The following FGF14 variants were observed in gnomAD, a reference collection of about 807,000 sequenced individuals.
The protein encoded by FGF14 is fibroblast growth factor homologous factor 4.
Under a neutral mutation model 25.5 loss-of-function variants are expected in FGF14, and 5 were observed. The ratio of observed to expected loss-of-function variants is 0.20; its 90% CI spans 0.10 to 0.41. The LOEUF (loss-of-function observed/expected upper bound fraction) is 0.41. FGF14 is among the 10% of genes least tolerant of loss of function. The pLI, the probability that FGF14 is intolerant of heterozygous loss-of-function variation, is 1.00. For synonymous variants in FGF14, 138 were observed against 118.3 expected (o/e 1.17, Z -1.08); for missense variants, 222 against 320.1 (o/e 0.69, Z 2.34).
At chr13:102,002,828 G>C (rs891774999) in intron 1 of FGF14, 11 of 152,118 alleles carry the variant, frequency 7.2e-5, no homozygotes, top group Admixed American at 1.3e-4. Context: ...TATTGCTGCA[G>C]AATATTCTGC....
At chr13:101,821,444 TG>T (rs1391876524) in intron 3 of FGF14, among the ~76,000 whole-genome samples, 12 of 152,218 alleles carry the variant, frequency 7.9e-5, no homozygotes, top group Non-Finnish European at 1.8e-4. Flanking sequence ...ATTCTACTAC[TG>T]ATGGAAATTT....
chr13:101,785,206 T>C lies in FGF14; in HGVS notation c.409-58396A>G, dbSNP rs558532694. 3.3e-5 allele frequency among the ~76,000 whole-genome samples: 5 copies of C among 152,076 alleles called. No individual in the cohort carries two copies. In the East Asian group the frequency reaches 9.7e-4, roughly 29 times the overall value. On this transcript the variant is annotated intron_variant, in intron 3 of 4. Transcript: ENST00000376143. ...TTTAGTTTTAATATTTTAAAAATTATATATAGATATGTAAATTATTCAAAG... is the reference window on the plus strand; with the variant it reads ...TTTAGTTTTAATATTTTAAAAATTACATATAGATATGTAAATTATTCAAAG...
intron 1 of FGF14, among the ~76,000 whole-genome samples, chr13:102,392,047 G>C (rs998028646): frequency 2.0e-5 from 3 of 152,232 alleles, no homozygotes; most frequent in Admixed American, 2.0e-4. Context: ...CACACAGGAA[G>C]TGGAAAGAAC....
chr13:101,855,690 G>A (rs2044090482), intron 3 of FGF14, among the ~76,000 whole-genome samples: 1 of 151,906 alleles, frequency 6.6e-6, no homozygotes, highest in South Asian at 2.1e-4. Context: ...AAGTCTGAGG[G>A]ATTTTTAATT....
At chr13:101,968,725 A>C (rs934838555) in intron 1 of FGF14, among the ~76,000 whole-genome samples, 3 of 151,906 alleles carry the variant, frequency 2.0e-5, no homozygotes, top group African/African-American at 7.2e-5. Flanking sequence ...TTTATACTTA[A>C]GAATACCACA....
intron 1 of FGF14, among the ~76,000 whole-genome samples, chr13:102,223,065 T>G (rs1043838898): frequency 1.3e-5 from 2 of 152,220 alleles, no homozygotes; most frequent in Admixed American, 6.5e-5. Flanking sequence ...GCTTTCACTT[T>G]GTTTAAAACC....
intron 1 of FGF14, among the ~76,000 whole-genome samples, chr13:102,322,169 T>C (rs1410029055): frequency 1.3e-5 from 2 of 152,206 alleles, no homozygotes; most frequent in African/African-American, 4.8e-5. Context: ...CTACATATTG[T>C]CTCTAAATGT....
At chr13:102,383,049 A>C (rs2058221125) in intron 1 of FGF14, among the ~76,000 whole-genome samples, 2 of 152,128 alleles carry the variant, frequency 1.3e-5, no homozygotes, top group Admixed American at 6.6e-5. Flanking sequence ...AACTATGTGA[A>C]TATACTAAAA....
chr13:102,218,290 G>A (rs1378742910), intron 1 of FGF14, among the ~76,000 whole-genome samples: 1 of 152,020 alleles, frequency 6.6e-6, no homozygotes, highest in Non-Finnish European at 1.5e-5. Flanking sequence ...AAATATTACT[G>A]AGAGCTAGAG....
intron 3 of FGF14, among the ~76,000 whole-genome samples, chr13:101,774,969 CAA>C (rs1213093814): frequency 2.0e-4 from 11 of 54,382 alleles, no homozygotes; most frequent in Admixed American, 2.1e-4. Context: ...AACTCCATCT[CAA>C]AAAAAAAAAA....
At chr13:102,080,304 G>A (rs564545099) in intron 1 of FGF14, among the ~76,000 whole-genome samples, 1 of 152,258 alleles carries the variant, frequency 6.6e-6, no homozygotes, top group Non-Finnish European at 1.5e-5. Context: ...TCATGTTCTG[G>A]TTATGTTTTG....
chr13:102,112,364 A>T (rs530633920), intron 1 of FGF14, among the ~76,000 whole-genome samples: 3 of 151,404 alleles, frequency 2.0e-5, no homozygotes, highest in Non-Finnish European at 4.4e-5. Flanking sequence ...CACACCTGCC[A>T]CCCCCCAGCC....
intron 1 of FGF14, among the ~76,000 whole-genome samples, chr13:101,904,959 C>A (rs2032050870): frequency 6.6e-6 from 1 of 152,164 alleles, no homozygotes; most frequent in Non-Finnish European, 1.5e-5. Context: ...GTTGGTCAAA[C>A]ATGAAATACT....
At chr13:101,985,516 C>A (rs1236330584) in intron 1 of FGF14, among the ~76,000 whole-genome samples, 3 of 152,068 alleles carry the variant, frequency 2.0e-5, no homozygotes, top group African/African-American at 7.2e-5. Flanking sequence ...TTCACTGAAT[C>A]ATCAGCATTA....
intron 1 of FGF14, among the ~76,000 whole-genome samples, chr13:101,892,009 T>G (rs1024232929): frequency 1.3e-5 from 2 of 152,024 alleles, no homozygotes; most frequent in Non-Finnish European, 2.9e-5. Flanking sequence ...AGATGTGACA[T>G]AGCAAAAAAC....
rs532744385 is a variant in FGF14, at chr13:101,933,596, T to C, written c.209-58300A>G. On this transcript the variant is annotated intron_variant, in intron 1 of 4. Coordinates refer to the FGF14 transcript ENST00000376131. ...AAAATTATCTGGACTTGGGGGCGAA[T>C]GCCTGTAGTCCCAGCTACTCGGGAG... Among the ~76,000 whole-genome samples, 17 of 152,252 alleles carry C rather than the reference T, an allele frequency of 1.1e-4. No homozygotes were observed. In the South Asian group the frequency reaches 3.3e-3, roughly 30 times the overall value.
intron 1 of FGF14, among the ~76,000 whole-genome samples, chr13:101,988,145 TTAGA>T (rs1450782219): frequency 2.0e-5 from 3 of 152,064 alleles, no homozygotes; most frequent in East Asian, 1.9e-4. Context: ...AAGCTGGGTC[TTAGA>T]TAGTTGTAGC....
chr13:101,895,044 CTTAAA>C, intron 1 of FGF14, among the ~76,000 whole-genome samples: 1 of 152,108 alleles, frequency 6.6e-6, no homozygotes, highest in East Asian at 1.9e-4. Flanking sequence ...ATCTGGAACT[CTTAAA>C]TTATTTGCTG....
chr13:101,969,679 C>A (rs1269342981), intron 1 of FGF14, among the ~76,000 whole-genome samples: 1 of 152,148 alleles, frequency 6.6e-6, no homozygotes, highest in Admixed American at 6.5e-5. Flanking sequence ...CATATTTCTA[C>A]CAATTTTAAA....
Sources: gnomAD v4.1 joint callset for allele counts (sites outside exome capture counted in the v4.1 genomes callset) on GRCh38, gnomAD v4.1.1 for gene constraint, MANE v1.5 for transcripts, NCBI Gene and HGNC (gene_info 2026-07-23, HGNC 2026-07-21) for gene names.